Variants in MBNL1 observed in about 807,000 individuals in gnomAD.
MBNL1 encodes muscleblind-like protein 1.
MBNL1 carries 8 observed loss-of-function variants against 42.2 expected under a neutral mutation model. The ratio of observed to expected loss-of-function variants is 0.19; its 90% confidence interval spans 0.11 to 0.34. The LOEUF is 0.34. Among genes scored for constraint, MBNL1 ranks in the 10% least tolerant of loss-of-function variants. MBNL1 has a pLI of 1.00. For missense variants in MBNL1, 309 were observed against 495.3 expected (o/e 0.62, Z 3.57); for synonymous variants, 169 against 173.9 (o/e 0.97, Z 0.22).
intron 1 of MBNL1, among the ~76,000 whole-genome samples, chr3:152,270,459 C>G (rs1297434702): frequency 6.6e-6 from 1 of 152,142 alleles, no homozygotes; most frequent in Non-Finnish European, 1.5e-5. Flanking sequence ...GTATTCTATA[C>G]CAGCACAAGA....
chr3:152,444,861 T>A (rs1163659497), intron 4 of MBNL1, among the ~76,000 whole-genome samples: 1 of 152,202 alleles, frequency 6.6e-6, no homozygotes, highest in Non-Finnish European at 1.5e-5. Context: ...CAGTACTACC[T>A]CTACTGTGAT....
chr3:152,274,333 A>G (rs1469681455), intron 1 of MBNL1, among the ~76,000 whole-genome samples: 2 of 152,312 alleles, frequency 1.3e-5, no homozygotes, highest in African/African-American at 4.8e-5. Context: ...ATACCACAGT[A>G]GACTTAGTGA....
intron 6 of MBNL1, among the ~76,000 whole-genome samples, chr3:152,450,292 A>G (rs1019568576): frequency 1.3e-5 from 2 of 152,166 alleles, no homozygotes; most frequent in African/African-American, 4.8e-5. Flanking sequence ...AATCAGAAGT[A>G]GGTAGTGACT....
chr3:152,246,856 T>C (rs1049384923), intron 2 of MBNL1, among the ~76,000 whole-genome samples: 5 of 152,102 alleles, frequency 3.3e-5, no homozygotes, highest in African/African-American at 1.2e-4. Flanking sequence ...CACAGTTAAA[T>C]GGATGTTCTC....
intron 2 of MBNL1, among the ~76,000 whole-genome samples, chr3:152,404,013 C>T (rs752411711): frequency 3.9e-4 from 60 of 152,286 alleles, no homozygotes; most frequent in Non-Finnish European, 5.9e-4. Context: ...TTTATTGCCT[C>T]ACCTTTTCTT....
intron 1 of MBNL1, among the ~76,000 whole-genome samples, chr3:152,279,243 C>T (rs961080766): frequency 6.6e-6 from 1 of 152,058 alleles, no homozygotes; most frequent in Non-Finnish European, 1.5e-5. Context: ...GCCGGTGAGT[C>T]AGGAATCATC....
At chr3:152,442,345 C>G (rs1189682662) in intron 4 of MBNL1, among the ~76,000 whole-genome samples, 1 of 152,112 alleles carries the variant, frequency 6.6e-6, no homozygotes, top group Non-Finnish European at 1.5e-5. Flanking sequence ...ATGAGAAATG[C>G]TTATGCTGCA....
intron 3 of MBNL1, among the ~76,000 whole-genome samples, chr3:152,427,351 G>A (rs1481886440): frequency 6.6e-6 from 1 of 152,204 alleles, no homozygotes; most frequent in Non-Finnish European, 1.5e-5. Context: ...CAGTCTAGGA[G>A]CAAAGTTATA....
At chr3:152,365,294 T>C (rs985621343) in intron 2 of MBNL1, among the ~76,000 whole-genome samples, 2 of 152,106 alleles carry the variant, frequency 1.3e-5, no homozygotes, top group African/African-American at 2.4e-5. Flanking sequence ...CTCTTATCAC[T>C]TGATTATGTG....
intron 2 of MBNL1, among the ~76,000 whole-genome samples, chr3:152,246,807 C>G (rs2033142017): frequency 6.6e-6 from 1 of 151,728 alleles, no homozygotes; most frequent in Admixed American, 6.6e-5. Context: ...TCTTGGGGGT[C>G]TATTAAACTA....
intron 2 of MBNL1, among the ~76,000 whole-genome samples, chr3:152,259,326 G>T (rs2035899416): frequency 6.6e-6 from 1 of 152,078 alleles, no homozygotes; most frequent in African/African-American, 2.4e-5. Flanking sequence ...AACTTGAACA[G>T]AATCGTTAAA....
intron 2 of MBNL1, among the ~76,000 whole-genome samples, chr3:152,316,170 G>C (rs142041268): frequency 6.6e-6 from 1 of 152,088 alleles, no homozygotes; most frequent in African/African-American, 2.4e-5. Flanking sequence ...GGTTTATCTG[G>C]CTTAGCATAT....
chr3:152,269,151 C>T, intron 1 of MBNL1, 59 bp downstream of exon 1: 1 of 426,214 alleles, frequency 2.3e-6, no homozygotes, highest in East Asian at 7.1e-5. Flanking sequence ...TCCGGCGGGT[C>T]TGCCCGTGGC....
chr3:152,433,208 C>T (rs754669596), intron 4 of MBNL1, among the ~76,000 whole-genome samples: 14 of 152,118 alleles, frequency 9.2e-5, no homozygotes, highest in Non-Finnish European at 1.3e-4. Flanking sequence ...TTTAAAACGG[C>T]GCTTACCTCA....
intron 2 of MBNL1, among the ~76,000 whole-genome samples, chr3:152,368,406 T>C (rs1302915528): frequency 1.3e-5 from 2 of 152,214 alleles, no homozygotes; most frequent in Non-Finnish European, 2.9e-5. Flanking sequence ...CTGTTTTGGT[T>C]ATTGTAGCCT....
rs149550259 is a variant in MBNL1 at position 152,386,411 on chromosome 3, A to G, written c.175-28530A>G. 3.0e-4 allele frequency among the ~76,000 whole-genome samples: 46 copies of G among 152,202 alleles called. No individual in the cohort carries two copies. The East Asian group carries it at 7.9e-3, about 26-fold the overall frequency. On this transcript the variant is annotated intron_variant, in intron 2 of 9. Transcript: ENST00000324210. ...TCATATTTTTCATAGAACATATTAA[A>G]GCCTGTTTCTATGGCAACAACTTTT...
At chr3:152,278,738 A>G (rs1267977409) in intron 1 of MBNL1, among the ~76,000 whole-genome samples, 1 of 152,184 alleles carries the variant, frequency 6.6e-6, no homozygotes, top group Admixed American at 6.6e-5. Context: ...GTTAACAATC[A>G]GGTCATAGAG....
intron 2 of MBNL1, among the ~76,000 whole-genome samples, chr3:152,375,189 A>G (rs778804082): frequency 6.6e-6 from 1 of 152,196 alleles, no homozygotes; most frequent in Non-Finnish European, 1.5e-5. Flanking sequence ...GTATTCTGCA[A>G]TGAATAAAGA....
intron 1 of MBNL1, among the ~76,000 whole-genome samples, chr3:152,274,867 T>C (rs1490260494): frequency 6.6e-6 from 1 of 152,206 alleles, no homozygotes; most frequent in African/African-American, 2.4e-5. Context: ...TACTACAGTT[T>C]ACTAGTCAAT....
Sources: allele counts gnomAD v4.1 joint callset (sites outside exome capture counted in the v4.1 genomes callset), GRCh38; gene constraint gnomAD v4.1.1; transcripts MANE v1.5; gene names NCBI Gene and HGNC (gene_info 2026-07-23, HGNC 2026-07-21).